Variants in MED12L observed in about 807,000 individuals in gnomAD.
The protein encoded by MED12L is mediator of RNA polymerase II transcription subunit 12-like protein.
In MED12L, 60 loss-of-function variants were observed where a neutral mutation model predicts 281.3. The ratio of observed to expected loss-of-function variants is 0.21; its 90% CI spans 0.17 to 0.26. MED12L has a LOEUF of 0.26. Among genes scored for constraint, MED12L ranks in the 10% least tolerant of loss-of-function variants. The pLI, the probability that MED12L is intolerant of heterozygous loss-of-function variation, is 1.00. For synonymous variants in MED12L, 974 were observed against 987.2 expected, an observed-to-expected ratio of 0.99 and a Z score of 0.25; for missense variants, 2,146 against 2,680.9, an observed-to-expected ratio of 0.80 and a Z score of 4.41.
At chr3:151,107,861 C>T (rs1470499868) in intron 2 of MED12L, among the ~76,000 whole-genome samples, 2 of 152,028 alleles carry the variant, frequency 1.3e-5, no homozygotes, top group Non-Finnish European at 2.9e-5. Flanking sequence ...CGTAGGTAAG[C>T]CTATGCATTC....
chr3:151,386,628 G>A (rs1330600310), intron 36 of MED12L, among the ~76,000 whole-genome samples: 2 of 150,322 alleles, frequency 1.3e-5, no homozygotes, highest in African/African-American at 4.9e-5. Flanking sequence ...CCAGGCTGGA[G>A]TGCAGTGGCG....
chr3:151,369,612 T>C, intron 26 of MED12L, 63 bp downstream of exon 26: 1 of 1,099,860 alleles, frequency 9.1e-7, no homozygotes, highest in Non-Finnish European at 1.3e-6. Flanking sequence ...AAATAATTTA[T>C]TTTCAGGTTT....
At chr3:151,368,742 TTCATTTCATG>T (rs1755785519) in intron 25 of MED12L, among the ~76,000 whole-genome samples, 1 of 127,948 alleles carries the variant, frequency 7.8e-6, no homozygotes, top group Non-Finnish European at 1.6e-5. Context: ...TTCATTTCAT[TTCATTTCATG>T]TCATTTCATT....
At chr3:151,230,040 GC>G (rs1177774422) in intron 16 of MED12L, among the ~76,000 whole-genome samples, 2 of 152,018 alleles carry the variant, frequency 1.3e-5, no homozygotes, top group Non-Finnish European at 2.9e-5. Context: ...TGCGATCTCA[GC>G]TCACTGCAAG....
At chr3:151,339,050 T>C (rs1276810684) in intron 16 of MED12L, among the ~76,000 whole-genome samples, 1 of 152,182 alleles carries the variant, frequency 6.6e-6, no homozygotes, top group Non-Finnish European at 1.5e-5. Context: ...GCATCTCTGC[T>C]GAAGAGAAAT....
intron 16 of MED12L, among the ~76,000 whole-genome samples, chr3:151,289,511 T>C (rs1743973776): frequency 6.6e-6 from 1 of 152,204 alleles, no homozygotes; most frequent in Non-Finnish European, 1.5e-5. Flanking sequence ...GACAGATGGC[T>C]TTCTGTGTTA....
chr3:151,330,435 AT>A (rs1447853278), intron 16 of MED12L, among the ~76,000 whole-genome samples: 1 of 152,152 alleles, frequency 6.6e-6, no homozygotes, highest in African/African-American at 2.4e-5. Flanking sequence ...TTTTGCTTTA[AT>A]TCTCTTCAAG....
chr3:151,375,095 A>G (rs1196516668), intron 27 of MED12L, among the ~76,000 whole-genome samples: 2 of 152,220 alleles, frequency 1.3e-5, no homozygotes, highest in Admixed American at 6.5e-5. Flanking sequence ...TTGGTTCCCA[A>G]CTGTGAGTGC....
chr3:151,215,987 A>G (rs910647602), intron 16 of MED12L, among the ~76,000 whole-genome samples: 1 of 152,090 alleles, frequency 6.6e-6, no homozygotes, highest in Non-Finnish European at 1.5e-5. Context: ...CTTAGCTGTC[A>G]CTTTCCTTAG....
chr3:151,158,631 G>T, intron 6 of MED12L, 58 bp from the exon 7 acceptor site: 1 of 1,086,626 alleles, frequency 9.2e-7, no homozygotes, highest in South Asian at 1.3e-5. Flanking sequence ...GAATGACAGT[G>T]CCTTTTTTGT....
intron 43 of MED12L, among the ~76,000 whole-genome samples, chr3:151,426,712 G>A (rs912250533): frequency 6.6e-6 from 1 of 151,870 alleles, no homozygotes. Context: ...ACTAAATATT[G>A]TTATGTTTAG....
chr3:151,317,632 A>G (rs371225496), intron 16 of MED12L, among the ~76,000 whole-genome samples: 1 of 151,156 alleles, frequency 6.6e-6, no homozygotes, highest in Non-Finnish European at 1.5e-5. Flanking sequence ...TTGTATTTTT[A>G]GTAGAGACGG....
rs938258073 is a variant in MED12L at position 151,158,624 on chromosome 3, T to G, written c.727-65T>G. On this transcript the variant is annotated intron_variant, in intron 6 of 44. Transcript: ENST00000687756. ...GTACAGTTAGACTTAAGCATAAGAA[T>G]GACAGTGCCTTTTTTGTTTTTTTTC... The G allele has an allele frequency of 1.1e-5, 11 of 1,002,970 alleles. No homozygotes were observed. The South Asian group carries it at 1.5e-4, about 14-fold the overall frequency. 62.1% of individuals were successfully genotyped at this position (1,002,970 alleles called of 1,614,324 possible). A position where few individuals can be genotyped will look rare whatever the true frequency, so the allele number is the denominator to read the frequency against.
chr3:151,280,307 A>G (rs1742607412), intron 16 of MED12L, among the ~76,000 whole-genome samples: 1 of 152,206 alleles, frequency 6.6e-6, no homozygotes. Flanking sequence ...TCTTCAGAAC[A>G]TTAAACGCTG....
At chr3:151,410,860 G>A (rs564795470) in intron 40 of MED12L, among the ~76,000 whole-genome samples, 116 of 152,256 alleles carry the variant, frequency 7.6e-4, no homozygotes, top group Non-Finnish European at 1.3e-3. Context: ...ATTTACATTT[G>A]AGCATGGGTA....
intron 16 of MED12L, among the ~76,000 whole-genome samples, chr3:151,273,754 C>T (rs1335706459): frequency 6.6e-6 from 1 of 152,124 alleles, no homozygotes. Flanking sequence ...TGGCATTGTA[C>T]ACATAGGGAC....
intron 16 of MED12L, among the ~76,000 whole-genome samples, chr3:151,348,171 A>G (rs541471837): frequency 1.3e-5 from 2 of 152,260 alleles, no homozygotes; most frequent in African/African-American, 4.8e-5. Context: ...CTGAATAACT[A>G]TGCTACAGTC....
chr3:151,330,625 A>G (rs1243953985), intron 16 of MED12L, among the ~76,000 whole-genome samples: 3 of 152,180 alleles, frequency 2.0e-5, no homozygotes, highest in Non-Finnish European at 4.4e-5. Flanking sequence ...AGACGAGACT[A>G]GTGTTAGTTG....
At chr3:151,406,836 T>C (rs948306462) in intron 39 of MED12L, among the ~76,000 whole-genome samples, 2 of 150,136 alleles carry the variant, frequency 1.3e-5, no homozygotes, top group Non-Finnish European at 3.0e-5. Flanking sequence ...GGTCTCATTC[T>C]GGTGCCCAGG....
Sources: allele counts gnomAD v4.1 joint callset (sites outside exome capture counted in the v4.1 genomes callset), GRCh38; gene constraint gnomAD v4.1.1; transcripts MANE v1.5; gene names NCBI Gene and HGNC (gene_info 2026-07-23, HGNC 2026-07-21).